The following RBM33 variants were observed in gnomAD, a reference collection of about 807,000 sequenced individuals.
RBM33 encodes the protein RNA-binding protein 33.
A neutral mutation model predicts 132.6 loss-of-function variants in RBM33; 28 were observed. The ratio of observed to expected loss-of-function variants is 0.21; its 90% CI spans 0.16 to 0.29. RBM33 has a LOEUF of 0.29. Among genes scored for constraint, RBM33 ranks in the 10% least tolerant of loss-of-function variants. The probability of loss-of-function intolerance (pLI) is 1.00; values close to 1 mark genes in which losing one functional copy is unlikely to be tolerated. For synonymous variants in RBM33, 634 were observed against 593.0 expected, an observed-to-expected ratio of 1.07 and a Z score of -1.01; for missense variants, 1,291 against 1,518.5, an observed-to-expected ratio of 0.85 and a Z score of 2.49.
At chr7:155,739,397 T>G (rs1585511635) in intron 11 of RBM33, 2 of 274,686 alleles carry the variant, frequency 7.3e-6, no homozygotes, top group East Asian at 1.8e-4. Context: ...GTTGCATGTG[T>G]GTATACTGGT....
rs1421300361 is a variant in RBM33, at chr7:155,775,615, T to C, written c.*574T>C. 4 of 159,194 alleles carry C rather than the reference T, an allele frequency of 2.5e-5. No individual in the cohort carries two copies. Among genetic ancestry groups the C allele is most frequent in the African/African-American group, 9.6e-5 (4 of 41,494 alleles). 9.9% of individuals were successfully genotyped at this position (159,194 alleles called of 1,614,324 possible). On this transcript the variant is annotated 3_prime_UTR_variant, in exon 18 of 18. Transcript: ENST00000401878. ...AGGGTGTGAGTGGGGTGGTTGGGAG[T>C]GGTGCCAGTTGAACAGCAGATTCTG...
intron 2 of RBM33, among the ~76,000 whole-genome samples, chr7:155,669,575 ACTC>A (rs1369576309): frequency 6.6e-6 from 1 of 151,434 alleles, no homozygotes; most frequent in Non-Finnish European, 1.5e-5. Context: ...CTGGTCTTGA[ACTC>A]CTGGTCTCAG....
chr7:155,756,286 C>CATT (rs1801848151), intron 14 of RBM33, among the ~76,000 whole-genome samples: 4 of 152,234 alleles, frequency 2.6e-5, no homozygotes, highest in African/African-American at 9.6e-5. Flanking sequence ...TAATTATATG[C>CATT]ATAACTATAA....
At chr7:155,770,206 A>T (rs1464701188) in intron 16 of RBM33, among the ~76,000 whole-genome samples, 1 of 152,254 alleles carries the variant, frequency 6.6e-6, no homozygotes, top group African/African-American at 2.4e-5. Context: ...ATGATAATAG[A>T]TGAAAACTTG....
At chr7:155,678,188 T>A (rs1247078369) in intron 3 of RBM33, among the ~76,000 whole-genome samples, 1 of 152,242 alleles carries the variant, frequency 6.6e-6, no homozygotes. Context: ...TTAAATCTTA[T>A]TTCTAAAATT....
chr7:155,753,414 T>A (rs28431141), intron 14 of RBM33, among the ~76,000 whole-genome samples: 26,776 of 152,234 alleles, frequency 0.18, 2,401 homozygotes, highest in East Asian at 0.28. Flanking sequence ...CTTGTGAGTG[T>A]CATTCAGGGG....
At chr7:155,753,613 A>G (rs1209268341) in intron 14 of RBM33, among the ~76,000 whole-genome samples, 2 of 152,198 alleles carry the variant, frequency 1.3e-5, no homozygotes, top group Admixed American at 1.3e-4. Flanking sequence ...CCCAGTCTGA[A>G]CTTGCCCATG....
At chr7:155,772,936 C>T (rs1474067221) in intron 16 of RBM33, among the ~76,000 whole-genome samples, 1 of 152,202 alleles carries the variant, frequency 6.6e-6, no homozygotes, top group African/African-American at 2.4e-5. Context: ...GTCTTGTTTA[C>T]TGATAGACAT....
chr7:155,686,844 G>A (rs1181457319), intron 5 of RBM33, among the ~76,000 whole-genome samples: 2 of 152,166 alleles, frequency 1.3e-5, no homozygotes, highest in Non-Finnish European at 2.9e-5. Flanking sequence ...ATTCCATGGT[G>A]TATATGTGCC....
intron 14 of RBM33, among the ~76,000 whole-genome samples, chr7:155,756,161 C>T (rs1801843552): frequency 6.6e-6 from 1 of 152,306 alleles, no homozygotes; most frequent in African/African-American, 2.4e-5. Flanking sequence ...CACCCACATA[C>T]AACACTTATA....
chr7:155,727,614 C>A (rs1412009959), intron 9 of RBM33, among the ~76,000 whole-genome samples: 1 of 152,234 alleles, frequency 6.6e-6, no homozygotes, highest in African/African-American at 2.4e-5. Flanking sequence ...AGTCAGTGAG[C>A]AGCTTTTGGG....
intron 7 of RBM33, 199 bp downstream of exon 7, chr7:155,707,267 G>A (rs1228957446): frequency 2.9e-6 from 2 of 681,716 alleles, no homozygotes; most frequent in Admixed American, 4.1e-5. Flanking sequence ...CAGTCATCTG[G>A]TAGTAAGAAA....
Position 155,738,230 on chromosome 7 carries a change from T to A in RBM33, c.1564T>A (p.Phe522Ile). 6.2e-7 allele frequency: 1 copy of A among 1,613,972 alleles called. No individual in the cohort carries two copies. Among genetic ancestry groups the A allele is most frequent in the East Asian group, 2.2e-5 (1 of 44,888 alleles). Residue 522 changes from phenylalanine to isoleucine, a missense_variant, in exon 11 of 18, where the codon TTC (phenylalanine) becomes ATC (isoleucine). Coordinates refer to ENST00000401878, the MANE Select transcript of RBM33 (RefSeq NM_053043.3). ...TAATCAGCAAGGACAGCAGCCAGTG[T>A]TCCCAAGAGAGCGGCCCGTACGACC... ...AFNQQGQQPVFPRERPVRPAL... is the reference protein window; with the variant it reads ...AFNQQGQQPVIPRERPVRPAL...
At chr7:155,696,470 G>C (rs1799797738) in intron 5 of RBM33, among the ~76,000 whole-genome samples, 1 of 152,130 alleles carries the variant, frequency 6.6e-6, no homozygotes, top group Admixed American at 6.6e-5. Flanking sequence ...ATTCAGGACA[G>C]ACATTCTTAC....
chr7:155,773,435 A>G (rs1802494899), intron 16 of RBM33, among the ~76,000 whole-genome samples: 1 of 151,968 alleles, frequency 6.6e-6, no homozygotes, highest in East Asian at 1.9e-4. Context: ...GGGCGTGGTG[A>G]TGGGTGCCTA....
intron 4 of RBM33, among the ~76,000 whole-genome samples, chr7:155,680,038 G>A (rs1799295099): frequency 6.6e-6 from 1 of 152,104 alleles, no homozygotes; most frequent in Admixed American, 6.5e-5. Context: ...TTTGAACACT[G>A]AAATGTATTT....
chr7:155,733,688 G>A (rs1585502826), intron 9 of RBM33, among the ~76,000 whole-genome samples: 2 of 152,178 alleles, frequency 1.3e-5, no homozygotes. Context: ...CCCTGCAGTT[G>A]TCAGTCACTG....
In RBM33 at chr7:155,666,178, C is replaced by A. The variant is rs550221093; in HGVS notation, c.122+925C>A. On this transcript the variant is annotated intron_variant, in intron 2 of 17. Transcript: ENST00000401878. ...TGATTATGGAGACTGAGAAGTTACA[C>A]GGTCTGTAGAATGGTGTAGTTCCAG... 3.3e-5 allele frequency among the ~76,000 whole-genome samples: 5 copies of A among 152,262 alleles called. No individual in the cohort carries two copies. The South Asian group carries it at 1.0e-3, about 32-fold the overall frequency.
chr7:155,742,044 G>T lies in RBM33; in HGVS notation c.2275G>T (p.Val759Leu), dbSNP rs75145238. ...CAGAAGCTCACAGGGAAAGACGGAA[G>T]TGAAAGTCAAGCCAGCTAGCCCTGT... ...GSRSSQGKTE[V>L]KVKPASPVAQ... Residue 759 changes from valine to leucine, a missense_variant, in exon 13 of 18, where the codon GTG (valine) becomes TTG (leucine). Val to Leu is a conservative substitution (Grantham distance 32). Transcript: ENST00000401878. The T allele has an allele frequency of 1.3e-3, 2,073 of 1,614,018 alleles. 30 individuals are homozygous for T. In the African/African-American group the frequency reaches 0.025, roughly 19 times the overall value.
Sources: gnomAD v4.1 joint callset for allele counts (sites outside exome capture counted in the v4.1 genomes callset) on GRCh38, gnomAD v4.1.1 for gene constraint, MANE v1.5 for transcripts, NCBI Gene and HGNC (gene_info 2026-07-23, HGNC 2026-07-21) for gene names.